Variants in ITSN1 observed in about 807,000 individuals in gnomAD.
ITSN1 encodes the protein intersectin 1, also known as intersectin-1.
Under a neutral mutation model 239.8 loss-of-function variants are expected in ITSN1, and 58 were observed. The ratio of observed to expected loss-of-function variants is 0.24; its 90% CI spans 0.20 to 0.30. ITSN1 has a LOEUF of 0.30. Ranked by LOEUF, ITSN1 falls within the 10% of genes least tolerant of loss-of-function variation. ITSN1 has a pLI of 1.00. For synonymous variants in ITSN1, 780 were observed against 770.8 expected (o/e 1.01, Z -0.20); for missense variants, 1,558 against 2,103.3 (o/e 0.74, Z 5.07).
chr21:33,770,855 T>C (rs1050322221), intron 11 of ITSN1, among the ~76,000 whole-genome samples: 1 of 150,388 alleles, frequency 6.6e-6, no homozygotes, highest in Admixed American at 6.7e-5. Context: ...CCTCTGCCTC[T>C]CAGCTTTAAG....
chr21:33,711,976 C>A (rs1049682440), intron 1 of ITSN1, among the ~76,000 whole-genome samples: 2 of 152,166 alleles, frequency 1.3e-5, no homozygotes, highest in Non-Finnish European at 2.9e-5. Flanking sequence ...TTCTTTTGCT[C>A]TGCTTTCATT....
intron 1 of ITSN1, among the ~76,000 whole-genome samples, chr21:33,653,797 C>T (rs757689222): frequency 3.3e-5 from 5 of 152,202 alleles, no homozygotes; most frequent in African/African-American, 9.7e-5. Flanking sequence ...TCTGGAATTA[C>T]AGGCGTGAGC....
At position 33,810,853 on chromosome 21, in the gene ITSN1, A is replaced by G. The variant is rs1861773785; in HGVS notation, c.2320-122A>G. ...TTCCCAGACACTTGGACTAAGATGA[A>G]GAGATTCCTATGCCATATGTCAATC... On this transcript the variant is annotated intron_variant, in intron 20 of 39. Coordinates refer to ENST00000381318, the MANE Select transcript of ITSN1 (RefSeq NM_003024.3). 3 of 1,102,638 alleles carry G rather than the reference A, an allele frequency of 2.7e-6. No homozygotes were observed. The Admixed American group carries it at 5.1e-5, about 19-fold the overall frequency. The allele number at this position is 1,102,638 out of a possible 1,614,324, so 68.3% of individuals were successfully genotyped here. A position where few individuals can be genotyped will look rare whatever the true frequency, so the allele number is the denominator to read the frequency against.
chr21:33,848,853 C>G (rs186969694), intron 29 of ITSN1, among the ~76,000 whole-genome samples: 1 of 152,230 alleles, frequency 6.6e-6, no homozygotes, highest in Non-Finnish European at 1.5e-5. Flanking sequence ...CCCTCACCAC[C>G]GATATTAGCC....
Position 33,772,188 on chromosome 21 carries a change from G to T in ITSN1, c.1170G>T (p.Glu390Asp), listed in dbSNP as rs2069216311. Residue 390 changes from glutamate (E) to aspartate (D), a missense_variant, in exon 12 of 40, where the codon GAG becomes GAT. Glu to Asp is a conservative substitution (Grantham distance 45). This residue lies in a region of ITSN1 where 982 missense variants were observed against 1,209.9 expected (regional missense o/e 0.81). Coordinates refer to ENST00000381318, the MANE Select transcript of ITSN1 (RefSeq NM_003024.3). The stretch of plus-strand genomic sequence containing the variant: ...GCCTGGCCCAGCTGGAGCGGGCGGA[G>T]CAGGAGAGGAAGGAGCGTGAGCGCC... ...QERLAQLERA[E>D]QERKERERQE... is the part of the protein sequence containing the mutation. 1.2e-6 allele frequency: 2 copies of T among 1,614,104 alleles called. No homozygotes were observed. The highest frequency in any genetic ancestry group is 1.7e-6 in the Non-Finnish European group (2 of 1,179,976).
chr21:33,697,659 G>C (rs1210908255), intron 1 of ITSN1, among the ~76,000 whole-genome samples: 2 of 151,964 alleles, frequency 1.3e-5, no homozygotes, highest in Admixed American at 1.3e-4. Context: ...ATTTTGATTT[G>C]AAAGGCTCTT....
At chr21:33,659,958 C>G (rs555158211) in intron 1 of ITSN1, among the ~76,000 whole-genome samples, 1 of 152,136 alleles carries the variant, frequency 6.6e-6, no homozygotes, top group African/African-American at 2.4e-5. Context: ...GCCCTCCCAC[C>G]TCAGCCTCCC....
In ITSN1 at chr21:33,897,016, C is replaced by T. The variant is rs575415678; in HGVS notation, c.*8716C>T. On this transcript the variant is annotated 3_prime_UTR_variant, in exon 40 of 40. Coordinates refer to ENST00000381318, the MANE Select transcript of ITSN1 (RefSeq NM_003024.3). The stretch of plus-strand genomic sequence containing the variant: ...TACGGGAAGTTCTGCAAGTGTTCTC[C>T]AGGGGCATTTCATTAATAGCGTGTC... The T allele has an allele frequency of 6.6e-6, 1 of 152,310 alleles. No homozygotes were observed. The highest frequency in any genetic ancestry group is 2.1e-4 in the South Asian group (1 of 4,824). 9.4% of individuals were successfully genotyped at this position (152,310 alleles called of 1,614,324 possible). A position where few individuals can be genotyped will look rare whatever the true frequency, so the allele number is the denominator to read the frequency against.
rs200922343 is a variant in ITSN1 at position 33,883,550 on chromosome 21, C to A, written c.4555C>A (p.Pro1519Thr). 5 of 1,613,322 alleles carry A rather than the reference C, an allele frequency of 3.1e-6. No individual in the cohort carries two copies. Among genetic ancestry groups the A allele is most frequent in the East Asian group, 2.2e-5 (1 of 44,846 alleles). Residue 1519 changes from proline to threonine, a missense_variant and splice_region_variant, in exon 36 of 40, where the codon CCT becomes ACT. Pro to Thr is a conservative substitution (Grantham distance 38). Transcript: ENST00000381318. ...SNLQYKMYKTPIFLNEVLVKL... is the reference protein window; with the variant it reads ...SNLQYKMYKTTIFLNEVLVKL... ...GTAATGCCTGTGTGTTACTTTCCAG[C>A]CTATTTTCCTAAATGAGGTTCTAGT... is the stretch of plus-strand genomic sequence containing the variant.
intron 1 of ITSN1, among the ~76,000 whole-genome samples, chr21:33,674,642 A>T (rs1440610683): frequency 2.6e-5 from 4 of 152,212 alleles, no homozygotes; most frequent in Non-Finnish European, 4.4e-5. Flanking sequence ...AGGAAAATAG[A>T]CATAAACTTT....
intron 4 of ITSN1, among the ~76,000 whole-genome samples, chr21:33,725,105 A>G (rs1201504238): frequency 8.1e-6 from 1 of 123,822 alleles, no homozygotes; most frequent in South Asian, 2.3e-4. Flanking sequence ...CCTCATCTTT[A>G]AAAAAAAAAA....
intron 4 of ITSN1, among the ~76,000 whole-genome samples, chr21:33,725,077 C>T (rs1337375270): frequency 1.2e-4 from 17 of 147,126 alleles, no homozygotes; most frequent in Non-Finnish European, 2.5e-4. Flanking sequence ...TGAGACCAAC[C>T]TGGGCAATAT....
At chr21:33,773,448 A>G (rs2069337382) in intron 12 of ITSN1, among the ~76,000 whole-genome samples, 1 of 152,168 alleles carries the variant, frequency 6.6e-6, no homozygotes, top group Admixed American at 6.5e-5. Context: ...TTAGTACATT[A>G]CTGCAGAAGC....
intron 1 of ITSN1, among the ~76,000 whole-genome samples, chr21:33,657,127 T>A (rs1601466539): frequency 6.6e-6 from 1 of 152,236 alleles, no homozygotes; most frequent in East Asian, 1.9e-4. Context: ...ATGAACCAGT[T>A]GCCCAAGTAG....
intron 30 of ITSN1, among the ~76,000 whole-genome samples, chr21:33,857,587 A>G (rs1405737399): frequency 6.6e-6 from 1 of 152,188 alleles, no homozygotes; most frequent in African/African-American, 2.4e-5. Context: ...GTGTGAAACC[A>G]TCTTGTCTGA....
chr21:33,679,638 C>T (rs1188583366), intron 1 of ITSN1, among the ~76,000 whole-genome samples: 1 of 149,428 alleles, frequency 6.7e-6, no homozygotes, highest in African/African-American at 2.5e-5. Flanking sequence ...CAGTTTTTGC[C>T]TTGAAAGGCT....
chr21:33,684,939 TTTTC>T (rs1384878719), intron 1 of ITSN1, among the ~76,000 whole-genome samples: 2 of 152,208 alleles, frequency 1.3e-5, no homozygotes, highest in African/African-American at 2.4e-5. Context: ...ACTAGCTTTC[TTTTC>T]TTTCTGTCTA....
intron 9 of ITSN1, among the ~76,000 whole-genome samples, chr21:33,762,344 G>A (rs575501999): frequency 1.6e-4 from 24 of 151,050 alleles, no homozygotes; most frequent in African/African-American, 4.9e-4. Flanking sequence ...TCGGCTCACC[G>A]CAACCTCCAC....
At chr21:33,836,021 T>C (rs2074581158) in intron 28 of ITSN1, among the ~76,000 whole-genome samples, 7 of 152,202 alleles carry the variant, frequency 4.6e-5, no homozygotes, top group Admixed American at 4.6e-4. Context: ...TACCTTCCAC[T>C]TTAAACCAAA....
Sources: gnomAD v4.1 joint callset for allele counts (sites outside exome capture counted in the v4.1 genomes callset) on GRCh38, gnomAD v4.1.1 for gene constraint, gnomAD v4.1.1 regional missense constraint, MANE v1.5 for transcripts, NCBI Gene and HGNC (gene_info 2026-07-23, HGNC 2026-07-21) for gene names.